TASP1: variants seen among roughly 807,000 people sequenced by gnomAD.
The protein encoded by TASP1 is threonine aspartase 1.
TASP1 carries 16 observed loss-of-function variants against 56.6 expected under a neutral mutation model. That is an observed-to-expected ratio of 0.28 (90% CI 0.19 to 0.43). TASP1 has a LOEUF of 0.43. Among genes scored for constraint, TASP1 ranks in the 20% least tolerant of loss-of-function variants. The probability of loss-of-function intolerance (pLI) is 1.00; values close to 1 mark genes in which losing one functional copy is unlikely to be tolerated. For synonymous variants in TASP1, 179 were observed against 184.2 expected (o/e 0.97, Z 0.23); for missense variants, 393 against 511.6 (o/e 0.77, Z 2.24).
chr20:13,394,412 C>T (rs1402987420), intron 13 of TASP1, among the ~76,000 whole-genome samples: 2 of 151,176 alleles, frequency 1.3e-5, no homozygotes, highest in Non-Finnish European at 2.9e-5. Flanking sequence ...AGTTTGAGAC[C>T]ATCCTGGCTA....
the TASP1 span, among the ~76,000 whole-genome samples, chr20:13,105,460 C>A: frequency 1.3e-5 from 2 of 152,138 alleles, no homozygotes; most frequent in Non-Finnish European, 2.9e-5. Flanking sequence ...CACAGCGCGG[C>A]CACCGAAAGT....
the TASP1 span, among the ~76,000 whole-genome samples, chr20:13,322,047 T>C: frequency 1.7e-4 from 26 of 152,206 alleles, no homozygotes; most frequent in Non-Finnish European, 2.9e-4. Flanking sequence ...TGTGTATCGC[T>C]TAAAATAGTG....
At chr20:13,448,873 A>G (rs138620873) in intron 11 of TASP1, among the ~76,000 whole-genome samples, 187 of 151,654 alleles carry the variant, frequency 1.2e-3, no homozygotes, top group Middle Eastern at 0.01. Context: ...AAGAACACAA[A>G]ACAAACCAAC....
At chr20:13,477,942 C>T (rs1183576826) in intron 11 of TASP1, among the ~76,000 whole-genome samples, 1 of 152,142 alleles carries the variant, frequency 6.6e-6, no homozygotes. Context: ...ACATTTCAAT[C>T]TCTGAAATGC....
At chr20:13,567,201 A>G (rs2046561185) in intron 7 of TASP1, among the ~76,000 whole-genome samples, 1 of 152,076 alleles carries the variant, frequency 6.6e-6, no homozygotes, top group South Asian at 2.1e-4. Flanking sequence ...TCTCACTTAT[A>G]AGTGGGAGCC....
chr20:13,248,962 G>T, the TASP1 span, among the ~76,000 whole-genome samples: 39,048 of 152,090 alleles, frequency 0.26, 5,144 homozygotes, highest in African/African-American at 0.33. Flanking sequence ...CTTCTTAAGC[G>T]GCTTGTACAG....
At chr20:13,509,133 G>A (rs2044236161) in intron 10 of TASP1, among the ~76,000 whole-genome samples, 1 of 149,702 alleles carries the variant, frequency 6.7e-6, no homozygotes, top group African/African-American at 2.5e-5. Context: ...AAGTGTGTGT[G>A]TGTGTGTGTG....
chr20:13,457,839 T>C (rs1464196417), intron 11 of TASP1, among the ~76,000 whole-genome samples: 1 of 152,134 alleles, frequency 6.6e-6, no homozygotes, highest in Middle Eastern at 3.2e-3. Context: ...AGTGATTCCA[T>C]ATAAGCAGGG....
intron 11 of TASP1, among the ~76,000 whole-genome samples, chr20:13,454,907 A>G (rs2043770651): frequency 6.6e-6 from 1 of 152,040 alleles, no homozygotes; most frequent in South Asian, 2.1e-4. Flanking sequence ...ATTTTTTACT[A>G]AATAAAGCCC....
chr20:13,549,389 C>T (rs2045906174), intron 8 of TASP1, among the ~76,000 whole-genome samples: 2 of 151,938 alleles, frequency 1.3e-5, no homozygotes, highest in African/African-American at 4.8e-5. Flanking sequence ...TATTTCTTGT[C>T]TTGTGATCTT....
the TASP1 span, among the ~76,000 whole-genome samples, chr20:13,174,477 C>T: frequency 2.6e-5 from 4 of 152,146 alleles, no homozygotes; most frequent in East Asian, 3.9e-4. Flanking sequence ...GTGGATAGAT[C>T]GCTTGAGCCC....
chr20:13,217,058 GA>G, the TASP1 span, among the ~76,000 whole-genome samples: 4 of 152,164 alleles, frequency 2.6e-5, no homozygotes, highest in African/African-American at 9.7e-5. Context: ...CTCACACCCA[GA>G]AAACGTCTCT....
the TASP1 span, among the ~76,000 whole-genome samples, chr20:13,235,469 A>T: frequency 6.6e-6 from 1 of 152,180 alleles, no homozygotes; most frequent in African/African-American, 2.4e-5. Context: ...ATGGGATAAG[A>T]ATAGTTAACA....
the TASP1 span, among the ~76,000 whole-genome samples, chr20:13,200,377 AC>A: frequency 6.6e-6 from 1 of 152,274 alleles, no homozygotes; most frequent in South Asian, 2.1e-4. Context: ...TGTCATCTCT[AC>A]TGCAGGTAGC....
chr20:13,333,059 C>G, the TASP1 span, among the ~76,000 whole-genome samples: 43 of 152,350 alleles, frequency 2.8e-4, no homozygotes, highest in African/African-American at 9.9e-4. Flanking sequence ...CTCCGTGGCT[C>G]CATCAGACTT....
chr20:13,217,311 G>C, the TASP1 span, among the ~76,000 whole-genome samples: 3 of 152,134 alleles, frequency 2.0e-5, no homozygotes, highest in African/African-American at 7.2e-5. Flanking sequence ...TAAGGATTTA[G>C]TATATTATTC....
chr20:13,614,370 C>CT (rs2048451037), intron 4 of TASP1, among the ~76,000 whole-genome samples: 1 of 150,720 alleles, frequency 6.6e-6, no homozygotes, highest in Admixed American at 6.6e-5. Flanking sequence ...GTAGTAGAAA[C>CT]TAAGGCTTTT....
At chr20:13,169,746 A>T in the TASP1 span, among the ~76,000 whole-genome samples, 4 of 152,200 alleles carry the variant, frequency 2.6e-5, no homozygotes, top group Admixed American at 6.5e-5. Context: ...TAATGAGCCC[A>T]CATGCACCTA....
chr20:13,267,989 G>A, the TASP1 span, among the ~76,000 whole-genome samples: 1 of 152,222 alleles, frequency 6.6e-6, no homozygotes, highest in African/African-American at 2.4e-5. Context: ...TGTTGTTGGA[G>A]AAGTTTTAGG....
Sources: allele counts gnomAD v4.1 joint callset (sites outside exome capture counted in the v4.1 genomes callset), GRCh38; gene constraint gnomAD v4.1.1; transcripts MANE v1.5; gene names NCBI Gene and HGNC (gene_info 2026-07-23, HGNC 2026-07-21).